Variants in ATG4C observed in about 807,000 individuals in gnomAD.
The protein encoded by ATG4C is autophagy related 4C cysteine peptidase.
A neutral mutation model predicts 57.6 loss-of-function variants in ATG4C; 56 were observed. That is an observed-to-expected ratio of 0.97 (90% CI 0.78 to 1.21). The LOEUF is 1.21. Among genes scored for constraint, ATG4C ranks in the 50% most tolerant of loss-of-function variants. ATG4C has a pLI of 0.00. For missense variants in ATG4C, 595 were observed against 529.8 expected, an observed-to-expected ratio of 1.12 and a Z score of -1.21; for synonymous variants, 157 against 174.1, an observed-to-expected ratio of 0.90 and a Z score of 0.78.
At chr1:62,862,741 C>T (rs553410327) in intron 10 of ATG4C, among the ~76,000 whole-genome samples, 12 of 151,842 alleles carry the variant, frequency 7.9e-5, no homozygotes, top group Non-Finnish European at 1.6e-4. Flanking sequence ...ATAGTTGTCT[C>T]ATTGAAATAT....
At chr1:62,842,659 T>TA (rs1261406417) in intron 10 of ATG4C, among the ~76,000 whole-genome samples, 1 of 152,260 alleles carries the variant, frequency 6.6e-6, no homozygotes, top group East Asian at 1.9e-4. Context: ...AATGGAATGA[T>TA]AAAAAATAAA....
intron 10 of ATG4C, among the ~76,000 whole-genome samples, chr1:62,844,378 A>G (rs1042949684): frequency 1.2e-4 from 18 of 152,338 alleles, no homozygotes; most frequent in Middle Eastern, 3.4e-3. Context: ...GTACAAGGCT[A>G]TTTAGGTTAA....
At chr1:62,786,521 C>A (rs1166691074) in intron 1 of ATG4C, among the ~76,000 whole-genome samples, 2 of 143,606 alleles carry the variant, frequency 1.4e-5, no homozygotes, top group African/African-American at 5.6e-5. Context: ...GAAATTAGGA[C>A]CCTGTCTCAA....
chr1:62,818,009 T>C (rs1032379986), intron 4 of ATG4C, among the ~76,000 whole-genome samples: 8 of 152,128 alleles, frequency 5.3e-5, no homozygotes, highest in Non-Finnish European at 1.0e-4. Flanking sequence ...TTATTTATAG[T>C]CTTGTGCAGT....
chr1:62,845,859 G>C (rs1016687290), intron 10 of ATG4C, among the ~76,000 whole-genome samples: 3 of 151,898 alleles, frequency 2.0e-5, no homozygotes. Flanking sequence ...GCACCACCAC[G>C]CCTGGCTAAT....
intron 7 of ATG4C, among the ~76,000 whole-genome samples, chr1:62,833,479 A>C (rs1665903834): frequency 6.6e-6 from 1 of 152,144 alleles, no homozygotes; most frequent in African/African-American, 2.4e-5. Context: ...ATTGGCTTTA[A>C]ATGCAATAAT....
intron 1 of ATG4C, among the ~76,000 whole-genome samples, chr1:62,800,858 A>G (rs1429121845): frequency 6.6e-6 from 1 of 152,182 alleles, no homozygotes; most frequent in Non-Finnish European, 1.5e-5. Context: ...ATCCTATGAG[A>G]ACTAAGAGAA....
At chr1:62,797,883 A>T (rs944177883) in intron 1 of ATG4C, among the ~76,000 whole-genome samples, 12 of 152,118 alleles carry the variant, frequency 7.9e-5, no homozygotes, top group African/African-American at 2.4e-4. Flanking sequence ...GAAGTAGCAC[A>T]ATCTCAGCTC....
In ATG4C at chr1:62,793,076, C is replaced by T. The variant is rs372394736; in HGVS notation, c.-69+8803C>T. Reference sequence around the variant, plus strand: ...TAATTTTTTGTATTTTTAGTAGAGACGGGGTTTCACCGTGTTAGCCAGGAT... The same window carrying T: ...TAATTTTTTGTATTTTTAGTAGAGATGGGGTTTCACCGTGTTAGCCAGGAT... On this transcript the variant is annotated intron_variant, in intron 1 of 10. Transcript: ENST00000317868. Among the ~76,000 whole-genome samples, 46 of 150,560 alleles carry T rather than the reference C, an allele frequency of 3.1e-4. 1 individual carries two copies. In the South Asian group the frequency reaches 8.2e-3, roughly 27 times the overall value.
chr1:62,856,276 T>C lies in ATG4C; in HGVS notation c.1210-7716T>C, dbSNP rs554226933. Among the ~76,000 whole-genome samples, 36 of 152,352 alleles carry C rather than the reference T, an allele frequency of 2.4e-4. No homozygotes were observed. The South Asian group carries it at 7.0e-3, about 30-fold the overall frequency. On this transcript the variant is annotated intron_variant, in intron 10 of 10. Coordinates refer to ENST00000317868, the MANE Select transcript of ATG4C (RefSeq NM_032852.4). ...GACTTTTTAAATTTCATAGATCTTT[T>C]TTACTTCCAGGATCTAATGATAGAA... is the stretch of plus-strand genomic sequence containing the variant.
At chr1:62,801,010 T>G (rs1480367232) in intron 1 of ATG4C, among the ~76,000 whole-genome samples, 1 of 152,182 alleles carries the variant, frequency 6.6e-6, no homozygotes, top group Non-Finnish European at 1.5e-5. Flanking sequence ...AGTAAGGCAC[T>G]TGAGTTAGAG....
In ATG4C at chr1:62,802,200, C is replaced by T. The variant is rs1174885830; in HGVS notation, c.-68-1519C>T. ...TCTTTACCTTCCATATCCATTGTATCACCAAGACTTACTGAATTTTCTACA... is the reference window on the plus strand; with the variant it reads ...TCTTTACCTTCCATATCCATTGTATTACCAAGACTTACTGAATTTTCTACA... On this transcript the variant is annotated intron_variant, in intron 1 of 10. Coordinates refer to ENST00000317868, the MANE Select transcript of ATG4C (RefSeq NM_032852.4). Among the ~76,000 whole-genome samples the T allele has an allele frequency of 3.9e-5, 6 of 152,098 alleles. No homozygotes were observed. In the South Asian group the frequency reaches 8.3e-4, roughly 21 times the overall value.
At chr1:62,860,198 C>T (rs1426806525) in intron 10 of ATG4C, among the ~76,000 whole-genome samples, 1 of 152,186 alleles carries the variant, frequency 6.6e-6, no homozygotes, top group Non-Finnish European at 1.5e-5. Flanking sequence ...GGGATGGTAA[C>T]ACACATGCAG....
At chr1:62,820,991 C>A (rs1665462487) in intron 5 of ATG4C, 148 bp from the exon 6 acceptor site, 2 of 495,136 alleles carry the variant, frequency 4.0e-6, no homozygotes, top group South Asian at 3.3e-5. Flanking sequence ...TGTCTGATAC[C>A]ATTCAGATAA....
chr1:62,861,618 CACACACACAGAG>C (rs1454857159), intron 10 of ATG4C, among the ~76,000 whole-genome samples: 17 of 38,678 alleles, frequency 4.4e-4, no homozygotes, highest in Non-Finnish European at 8.4e-4. Context: ...CACACACACA[CACACACACAGAG>C]AGACACAAAC....
intron 3 of ATG4C, among the ~76,000 whole-genome samples, chr1:62,812,950 C>T (rs184605794): frequency 1.4e-4 from 21 of 152,176 alleles, no homozygotes; most frequent in African/African-American, 4.8e-4. Flanking sequence ...AACTACAAAC[C>T]GCTGCTCAAG....
intron 9 of ATG4C, among the ~76,000 whole-genome samples, chr1:62,835,176 G>A (rs1386982711): frequency 6.8e-6 from 1 of 146,122 alleles, no homozygotes; most frequent in African/African-American, 2.6e-5. Context: ...TAAAATGTAA[G>A]GCCTGTTTAA....
chr1:62,854,911 A>G (rs1412743550), intron 10 of ATG4C, among the ~76,000 whole-genome samples: 2 of 152,204 alleles, frequency 1.3e-5, no homozygotes, highest in Non-Finnish European at 2.9e-5. Context: ...AAGGATACTG[A>G]GGACCCTACG....
chr1:62,798,486 A>C (rs1664546272), intron 1 of ATG4C, among the ~76,000 whole-genome samples: 1 of 152,182 alleles, frequency 6.6e-6, no homozygotes, highest in Admixed American at 6.5e-5. Flanking sequence ...GTGTGTTTTA[A>C]TATGTGGTAA....
Sources: allele counts gnomAD v4.1 joint callset (sites outside exome capture counted in the v4.1 genomes callset), GRCh38; gene constraint gnomAD v4.1.1; transcripts MANE v1.5; gene names NCBI Gene and HGNC (gene_info 2026-07-23, HGNC 2026-07-21).